The following FARS2 variants were observed in gnomAD, a reference collection of about 807,000 sequenced individuals.
FARS2 encodes phenylalanyl-tRNA synthetase 2, mitochondrial, also known as phenylalanine--tRNA ligase, mitochondrial.
Under a neutral mutation model 46.4 loss-of-function variants are expected in FARS2, and 40 were observed. That is an observed-to-expected ratio of 0.86 (90% CI 0.67 to 1.12). The LOEUF (loss-of-function observed/expected upper bound fraction) is 1.12. Among genes scored for constraint, FARS2 ranks in the 50% most tolerant of loss-of-function variants. The pLI, the probability that FARS2 is intolerant of heterozygous loss-of-function variation, is 0.00. For synonymous variants in FARS2, 234 were observed against 214.9 expected (o/e 1.09, Z -0.78); for missense variants, 513 against 567.9 (o/e 0.90, Z 0.98).
chr6:5,339,099 G>A (rs1211434414), intron 1 of FARS2, among the ~76,000 whole-genome samples: 2 of 152,074 alleles, frequency 1.3e-5, no homozygotes, highest in Non-Finnish European at 2.9e-5. Flanking sequence ...CAGAAAAAAT[G>A]CAAGATGATA....
intron 5 of FARS2, among the ~76,000 whole-genome samples, chr6:5,608,709 G>T (rs558805091): frequency 1.3e-5 from 2 of 151,790 alleles, no homozygotes; most frequent in Non-Finnish European, 2.9e-5. Context: ...ACTTCAGATC[G>T]CAACAGTAAC....
chr6:5,665,816 G>T (rs980010333), intron 6 of FARS2, among the ~76,000 whole-genome samples: 1 of 152,134 alleles, frequency 6.6e-6, no homozygotes, highest in Non-Finnish European at 1.5e-5. Flanking sequence ...ACTCAAATTG[G>T]TAAGTGAGAA....
At chr6:5,284,303 A>G (rs1003184689) in intron 1 of FARS2, among the ~76,000 whole-genome samples, 8 of 152,206 alleles carry the variant, frequency 5.3e-5, no homozygotes, top group African/African-American at 1.9e-4. Context: ...TTTGGTGGAT[A>G]TATTAAGGCA....
intron 6 of FARS2, among the ~76,000 whole-genome samples, chr6:5,653,040 G>T (rs759245941): frequency 6.6e-6 from 1 of 152,224 alleles, no homozygotes; most frequent in Non-Finnish European, 1.5e-5. Flanking sequence ...CGTTTGTTCA[G>T]TGCAATATGC....
At chr6:5,702,795 T>C (rs771397901) in intron 6 of FARS2, among the ~76,000 whole-genome samples, 34 of 152,218 alleles carry the variant, frequency 2.2e-4, no homozygotes, top group Non-Finnish European at 4.1e-4. Context: ...CCTTTCCCTT[T>C]CATGCCCCCA....
At chr6:5,293,318 A>G (rs969870014) in intron 1 of FARS2, among the ~76,000 whole-genome samples, 5 of 152,188 alleles carry the variant, frequency 3.3e-5, no homozygotes, top group Non-Finnish European at 7.4e-5. Flanking sequence ...TGCTGAAATG[A>G]GTGAGCCATG....
intron 1 of FARS2, among the ~76,000 whole-genome samples, chr6:5,281,300 G>A (rs1766706932): frequency 6.6e-6 from 1 of 152,178 alleles, no homozygotes; most frequent in South Asian, 2.1e-4. Flanking sequence ...TCATGTATTA[G>A]AGGCATCAGG....
chr6:5,636,569 G>T (rs1326595854), intron 6 of FARS2, among the ~76,000 whole-genome samples: 1 of 152,216 alleles, frequency 6.6e-6, no homozygotes, highest in Admixed American at 6.5e-5. Flanking sequence ...GCCTTGAGCA[G>T]CAGCAAGGCA....
At chr6:5,268,440 G>A (rs1765705164) in intron 1 of FARS2, among the ~76,000 whole-genome samples, 1 of 152,146 alleles carries the variant, frequency 6.6e-6, no homozygotes, top group Non-Finnish European at 1.5e-5. Context: ...AGTTTTCCCA[G>A]CACCATTTAT....
At chr6:5,395,252 T>C (rs192417145) in intron 2 of FARS2, among the ~76,000 whole-genome samples, 40 of 152,314 alleles carry the variant, frequency 2.6e-4, no homozygotes, top group African/African-American at 8.4e-4. Flanking sequence ...AGTCTCACCA[T>C]GTTGGCCAGG....
chr6:5,658,447 G>A (rs1049671791), intron 6 of FARS2, among the ~76,000 whole-genome samples: 2 of 152,022 alleles, frequency 1.3e-5, no homozygotes, highest in African/African-American at 2.4e-5. Flanking sequence ...ACTTCAAGGG[G>A]GTGACCACTG....
chr6:5,531,673 A>G (rs1481240725), intron 4 of FARS2, among the ~76,000 whole-genome samples: 1 of 152,190 alleles, frequency 6.6e-6, no homozygotes, highest in Non-Finnish European at 1.5e-5. Context: ...GGCCAAGGAT[A>G]TATACAGCTG....
At chr6:5,682,734 G>A (rs1779096499) in intron 6 of FARS2, among the ~76,000 whole-genome samples, 1 of 152,228 alleles carries the variant, frequency 6.6e-6, no homozygotes, top group African/African-American at 2.4e-5. Flanking sequence ...TGCCCTCATG[G>A]AGCTTCCAGG....
At chr6:5,410,731 A>G (rs1761899052) in intron 3 of FARS2, among the ~76,000 whole-genome samples, 1 of 152,204 alleles carries the variant, frequency 6.6e-6, no homozygotes. Flanking sequence ...TGCATCTATG[A>G]TATGGGTGTT....
chr6:5,713,495 G>A (rs533671100), intron 6 of FARS2, among the ~76,000 whole-genome samples: 10 of 152,330 alleles, frequency 6.6e-5, no homozygotes, highest in African/African-American at 1.9e-4. Context: ...ATAGAGGTCT[G>A]GAGACGTTGA....
intron 6 of FARS2, among the ~76,000 whole-genome samples, chr6:5,709,052 A>G (rs925215235): frequency 1.3e-5 from 2 of 152,236 alleles, no homozygotes; most frequent in African/African-American, 4.8e-5. Flanking sequence ...CAGGTCTTGA[A>G]GAAGCTCCAT....
intron 6 of FARS2, among the ~76,000 whole-genome samples, chr6:5,655,433 C>G (rs1162823680): frequency 6.6e-6 from 1 of 152,208 alleles, no homozygotes; most frequent in Non-Finnish European, 1.5e-5. Context: ...ACAACACACA[C>G]TGATCATTTT....
chr6:5,700,973 C>T (rs544170696), intron 6 of FARS2, among the ~76,000 whole-genome samples: 17 of 152,162 alleles, frequency 1.1e-4, no homozygotes, highest in South Asian at 2.1e-4. Flanking sequence ...TGTTTTTATT[C>T]GCGCAAGGTG....
intron 6 of FARS2, among the ~76,000 whole-genome samples, chr6:5,649,484 G>A (rs1001547804): frequency 3.9e-5 from 6 of 152,266 alleles, no homozygotes; most frequent in East Asian, 1.9e-4. Flanking sequence ...TACATGCAGG[G>A]CCAGGAGCTG....
Sources: allele counts gnomAD v4.1 joint callset (sites outside exome capture counted in the v4.1 genomes callset), GRCh38; gene constraint gnomAD v4.1.1; transcripts MANE v1.5; gene names NCBI Gene and HGNC (gene_info 2026-07-23, HGNC 2026-07-21).